The following COL14A1 variants were observed in gnomAD, a reference collection of about 807,000 sequenced individuals.
COL14A1 encodes collagen alpha-1(XIV) chain.
COL14A1 carries 136 observed loss-of-function variants against 230.3 expected under a neutral mutation model. That is an observed-to-expected ratio of 0.59 (90% CI 0.51 to 0.68). The LOEUF (loss-of-function observed/expected upper bound fraction) is 0.68, where lower values mean the gene tolerates loss of function less well. COL14A1 is among the 30% of genes least tolerant of loss of function. COL14A1 has a pLI of 0.00. For synonymous variants in COL14A1, 792 were observed against 784.1 expected (o/e 1.01, Z -0.17); for missense variants, 1,976 against 2,215.8 (o/e 0.89, Z 2.17).
intron 8 of COL14A1, among the ~76,000 whole-genome samples, chr8:120,200,300 C>T (rs1472480494): frequency 6.6e-6 from 1 of 151,682 alleles, no homozygotes; most frequent in Non-Finnish European, 1.5e-5. Context: ...ATGAAGGGTC[C>T]CTTTTATTAT....
At chr8:120,182,217 AT>A (rs2130644239) in intron 5 of COL14A1, among the ~76,000 whole-genome samples, 1 of 152,324 alleles carries the variant, frequency 6.6e-6, no homozygotes, top group East Asian at 1.9e-4. Context: ...TTAATATATC[AT>A]TTTTAAAACA....
At chr8:120,182,726 G>GGTTTT (rs1554603200) in intron 5 of COL14A1, among the ~76,000 whole-genome samples, 3,440 of 128,846 alleles carry the variant, frequency 0.027, 152 homozygotes, top group African/African-American at 0.046. Context: ...ATTTTTCTTC[G>GGTTTT]TTTTTTTTTT....
At chr8:120,234,680 A>G (rs976185461) in intron 19 of COL14A1, among the ~76,000 whole-genome samples, 1 of 152,120 alleles carries the variant, frequency 6.6e-6, no homozygotes, top group African/African-American at 2.4e-5. Flanking sequence ...ATTGTGGTGG[A>G]TAAGCTTTTT....
intron 23 of COL14A1, among the ~76,000 whole-genome samples, chr8:120,262,204 A>G (rs1347715472): frequency 6.6e-6 from 1 of 152,142 alleles, no homozygotes; most frequent in Non-Finnish European, 1.5e-5. Flanking sequence ...CAGGCATGGT[A>G]TCTCGTGCCT....
intron 14 of COL14A1, among the ~76,000 whole-genome samples, chr8:120,217,023 T>A (rs982705921): frequency 6.6e-6 from 1 of 152,144 alleles, no homozygotes; most frequent in African/African-American, 2.4e-5. Context: ...ACACAGATCC[T>A]ACCTATGGTG....
At chr8:120,239,629 C>T (rs1349214373) in intron 19 of COL14A1, among the ~76,000 whole-genome samples, 1 of 152,072 alleles carries the variant, frequency 6.6e-6, no homozygotes, top group East Asian at 1.9e-4. Flanking sequence ...TACAAATTCA[C>T]TCAGACCATA....
At chr8:120,261,093 A>T (rs1819309459) in intron 23 of COL14A1, among the ~76,000 whole-genome samples, 2 of 152,196 alleles carry the variant, frequency 1.3e-5, no homozygotes, top group South Asian at 4.1e-4. Context: ...AGCTGGAAAA[A>T]AAGAATTGTA....
At chr8:120,129,376 A>G (rs1365154393) in intron 1 of COL14A1, among the ~76,000 whole-genome samples, 2 of 152,180 alleles carry the variant, frequency 1.3e-5, no homozygotes, top group Admixed American at 1.3e-4. Flanking sequence ...CATTTCTTTG[A>G]CAGATGAACT....
chr8:120,197,713 C>A, intron 6 of COL14A1, 98 bp from the exon 7 acceptor site: 1 of 1,354,294 alleles, frequency 7.4e-7, no homozygotes. Context: ...AAAATTTTTG[C>A]AAAGATGAGG....
At chr8:120,157,052 G>A (rs909441139) in intron 2 of COL14A1, among the ~76,000 whole-genome samples, 6 of 152,062 alleles carry the variant, frequency 3.9e-5, no homozygotes, top group South Asian at 2.1e-4. Context: ...TAATAAAAAC[G>A]TTCTTAGCTT....
At chr8:120,288,336 T>A (rs1820270916) in intron 33 of COL14A1, among the ~76,000 whole-genome samples, 1 of 152,238 alleles carries the variant, frequency 6.6e-6, no homozygotes, top group Non-Finnish European at 1.5e-5. Context: ...CTTACATTAT[T>A]TGTATCATGA....
intron 40 of COL14A1, among the ~76,000 whole-genome samples, chr8:120,322,751 G>C (rs978149078): frequency 6.6e-6 from 1 of 151,788 alleles, no homozygotes; most frequent in Non-Finnish European, 1.5e-5. Context: ...TGGCTGCATA[G>C]TATTCTATGG....
At chr8:120,137,408 G>T (rs1356943529) in intron 1 of COL14A1, among the ~76,000 whole-genome samples, 1 of 152,010 alleles carries the variant, frequency 6.6e-6, no homozygotes, top group East Asian at 1.9e-4. Context: ...TTTCAAAGAA[G>T]CAAATATTGG....
chr8:120,331,397 C>T (rs1821859913), intron 40 of COL14A1, among the ~76,000 whole-genome samples: 1 of 152,148 alleles, frequency 6.6e-6, no homozygotes, highest in African/African-American at 2.4e-5. Context: ...AAATTAACTG[C>T]TTTGGAAAGG....
intron 5 of COL14A1, among the ~76,000 whole-genome samples, chr8:120,180,614 C>T (rs1342552877): frequency 6.6e-6 from 1 of 151,546 alleles, no homozygotes; most frequent in African/African-American, 2.4e-5. Flanking sequence ...TGGTAGGGTT[C>T]CTACAATGGC....
At chr8:120,222,931 A>G (rs1817976953) in intron 14 of COL14A1, among the ~76,000 whole-genome samples, 1 of 152,250 alleles carries the variant, frequency 6.6e-6, no homozygotes, top group African/African-American at 2.4e-5. Flanking sequence ...GGCCGGTGTC[A>G]GAGAATAACC....
At chr8:120,261,360 G>A (rs1819320119) in intron 23 of COL14A1, among the ~76,000 whole-genome samples, 1 of 152,178 alleles carries the variant, frequency 6.6e-6, no homozygotes, top group Non-Finnish European at 1.5e-5. Context: ...AATCAAATGA[G>A]ATAATACATA....
chr8:120,141,315 G>A (rs548228529), intron 1 of COL14A1, among the ~76,000 whole-genome samples: 7 of 152,228 alleles, frequency 4.6e-5, no homozygotes, highest in African/African-American at 1.4e-4. Flanking sequence ...GTCTGAGAAG[G>A]GGGAGTTGCT....
intron 5 of COL14A1, among the ~76,000 whole-genome samples, chr8:120,193,463 G>A (rs938146795): frequency 3.0e-4 from 46 of 152,290 alleles, no homozygotes; most frequent in African/African-American, 9.9e-4. Context: ...CCTACTGGGC[G>A]GTGCCTCCCA....
Sources: allele counts gnomAD v4.1 joint callset (sites outside exome capture counted in the v4.1 genomes callset), GRCh38; gene constraint gnomAD v4.1.1; transcripts MANE v1.5; gene names NCBI Gene and HGNC (gene_info 2026-07-23, HGNC 2026-07-21).